Variants in XIRP1 observed in about 807,000 individuals in gnomAD.
XIRP1 encodes the protein xin actin binding repeat containing 1, also known as xin actin-binding repeat-containing protein 1.
For synonymous variants in XIRP1, 984 were observed against 947.0 expected (o/e 1.04, Z -0.72); for missense variants, 2,378 against 2,345.4 (o/e 1.01, Z -0.29).
Position 39,187,556 on chromosome 3 carries a change from G to A in XIRP1, c.1890C>T (p.Phe630=), listed in dbSNP as rs748608898. Residue 630 remains phenylalanine, a synonymous_variant, in exon 2 of 2, where the codon TTC becomes TTT. Transcript: ENST00000340369. The part of the protein sequence containing the change: ...KAEAQSCTWM[F]KPQPVDRPVG... Reference sequence around the variant, plus strand: ...CTGGCCTGTCCACAGGTTGGGGCTTGAACATCCAGGTGCAGGACTGTGCCT... The same window carrying A: ...CTGGCCTGTCCACAGGTTGGGGCTTAAACATCCAGGTGCAGGACTGTGCCT... 1.4e-5 allele frequency: 22 copies of A among 1,613,924 alleles called. No homozygotes were observed. Among genetic ancestry groups the A allele is most frequent in the Non-Finnish European group, 1.8e-5 (21 of 1,180,054 alleles).
Position 39,183,738 on chromosome 3 carries a change from T to A in XIRP1, c.*176A>T. 1 of 1,121,762 alleles carries A rather than the reference T, an allele frequency of 8.9e-7. No homozygotes were observed. The highest frequency in any genetic ancestry group is 1.2e-6 in the Non-Finnish European group (1 of 818,480). 69.5% of individuals were successfully genotyped at this position (1,121,762 alleles called of 1,614,324 possible). On this transcript the variant is annotated 3_prime_UTR_variant, in exon 2 of 2. Coordinates refer to ENST00000340369, the MANE Select transcript of XIRP1 (RefSeq NM_194293.4). Reference sequence around the variant, plus strand: ...CTCTTCCAGACCTTTCTTTTTCCATTTGGAAGAACTGGGCCTATTGAAAGA... The same window carrying A: ...CTCTTCCAGACCTTTCTTTTTCCATATGGAAGAACTGGGCCTATTGAAAGA...
At chr3:39,190,651 G>A (rs538991440) in intron 1 of XIRP1, among the ~76,000 whole-genome samples, 18 of 147,440 alleles carry the variant, frequency 1.2e-4, no homozygotes, top group Admixed American at 3.4e-4. Flanking sequence ...CTACACCCCC[G>A]CCCCTCAATG....
At position 39,188,431 on chromosome 3, in the gene XIRP1, C is replaced by G. The variant is rs779865696; in HGVS notation, c.1015G>C (p.Gly339Arg). ...FQPSPDLIPP[G>R]PDVQQQQHLF... ...TGCTGCTGCTGCTGAACATCTGGAC[C>G]AGGTGGGATAAGGTCTGGGGATGGC... The change falls in exon 2 of 2, where the codon GGT becomes CGT. Residue 339 changes from glycine to arginine, a missense_variant. By Grantham distance (125) the Gly-to-Arg change is moderately radical. Coordinates refer to ENST00000340369, the MANE Select transcript of XIRP1 (RefSeq NM_194293.4). 9 of 1,606,772 alleles carry G rather than the reference C, an allele frequency of 5.6e-6. No individual in the cohort carries two copies. Among genetic ancestry groups the G allele is most frequent in the Middle Eastern group, 3.3e-4 (2 of 6,040 alleles).
rs765826202 is a variant in XIRP1 at position 39,185,414 on chromosome 3, C to T, written c.4032G>A (p.Lys1344=). 6.2e-7 allele frequency: 1 copy of T among 1,613,040 alleles called. No homozygotes were observed. Among genetic ancestry groups the T allele is most frequent in the East Asian group, 2.2e-5 (1 of 44,862 alleles). Residue 1344 remains lysine (K), a synonymous_variant, in exon 2 of 2, where the codon AAG becomes AAA. Transcript: ENST00000340369. ...AAAAGCTGGGAGATAGAGGCAAGGG[C>T]TTGGGCAGCCTCTGAGGAGGGTGGC... The part of the protein sequence containing the change: ...TQSHPPQRLP[K]PLPLSPSFSS...
rs2039992113 is a variant in XIRP1 at position 39,187,045 on chromosome 3, A to C, written c.2401T>G (p.Cys801Gly). 1.2e-6 allele frequency: 2 copies of C among 1,611,454 alleles called. No homozygotes were observed. Among genetic ancestry groups the C allele is most frequent in the East Asian group, 4.5e-5 (2 of 44,728 alleles). ...CCCGAGAGCACATACTTGGCAAGACAGAGCTCCCCTGGCCCTCGGGCCTCC... is the reference window on the plus strand; with the variant it reads ...CCCGAGAGCACATACTTGGCAAGACCGAGCTCCCCTGGCCCTCGGGCCTCC... ...LMEARGPGEL[C>G]LAKYVLSGTG... Residue 801 changes from cysteine (C) to glycine (G), a missense_variant, in exon 2 of 2, where the codon TGT becomes GGT. Physicochemically the swap from Cys to Gly is radical, Grantham distance 159. Transcript: ENST00000340369.
Position 39,188,935 on chromosome 3 carries a change from G to T in XIRP1, c.511C>A (p.Gln171Lys), listed in dbSNP as rs1279965789. The change falls in exon 2 of 2, where the codon CAA (glutamine) becomes AAA (lysine). Residue 171 changes from glutamine (Q) to lysine (K), a missense_variant. Coordinates refer to ENST00000340369, the MANE Select transcript of XIRP1 (RefSeq NM_194293.4). ...ETKPLDELTG[Q>K]AKELEATVRE... ...ACAGTGGCCTCCAGTTCCTTGGCTT[G>T]CCCTGTCAGCTCGTCCAGTGGCTTT... is the stretch of plus-strand genomic sequence containing the variant. 4.3e-6 allele frequency: 7 copies of T among 1,613,298 alleles called. No individual in the cohort carries two copies. The highest frequency in any genetic ancestry group is 1.3e-5 in the African/African-American group (1 of 74,876).
chr3:39,184,975 C>T lies in XIRP1; in HGVS notation c.4471G>A (p.Val1491Met), dbSNP rs753925659. 5.2e-6 allele frequency: 8 copies of T among 1,529,764 alleles called. No individual in the cohort carries two copies. The highest frequency in any genetic ancestry group is 4.4e-5 in the Admixed American group (2 of 45,836). The allele number at this position is 1,529,764 out of a possible 1,614,324, so 94.8% of individuals were successfully genotyped here. The part of the protein sequence containing the change: ...LEKEAASSVD[V>M]QALRRLFEAV... ...TCAAAGAGCCTCCGCAGGGCCTGCA[C>T]GTCCACACTGCTTGCGGCCTCCTTC... The change falls in exon 2 of 2, where the codon GTG (valine) becomes ATG (methionine). Residue 1491 changes from valine to methionine, a missense_variant. By Grantham distance (21) the Val-to-Met change is conservative (BLOSUM62 1). Coordinates refer to ENST00000340369, the MANE Select transcript of XIRP1 (RefSeq NM_194293.4).
rs2039975508 is a variant in XIRP1 at position 39,186,515 on chromosome 3, G to A, written c.2931C>T (p.Asp977=). ...TCAGATGCCCCATCCCCATGCTGGG[G>A]TCCAGTGGGGGAACATGGATGATGC... is the stretch of plus-strand genomic sequence containing the variant. ...TESIIHVPPL[D]PSMGMGHLRA... Residue 977 remains aspartate (D), a synonymous_variant, in exon 2 of 2, where the codon GAC becomes GAT. Coordinates refer to ENST00000340369, the MANE Select transcript of XIRP1 (RefSeq NM_194293.4). The A allele has an allele frequency of 1.2e-6, 2 of 1,613,168 alleles. No homozygotes were observed. Among genetic ancestry groups the A allele is most frequent in the Admixed American group, 3.3e-5 (2 of 59,986 alleles).
At position 39,184,188 on chromosome 3, in the gene XIRP1, T is replaced by C. The variant is rs1559745459; in HGVS notation, c.5258A>G (p.Gln1753Arg). 6.2e-7 allele frequency: 1 copy of C among 1,614,220 alleles called. No homozygotes were observed. The highest frequency in any genetic ancestry group is 1.3e-5 in the African/African-American group (1 of 75,072). Residue 1753 changes from glutamine to arginine, a missense_variant, in exon 2 of 2, where the codon CAG (glutamine) becomes CGG (arginine). By Grantham distance (43) the Gln-to-Arg change is conservative. Coordinates refer to ENST00000340369, the MANE Select transcript of XIRP1 (RefSeq NM_194293.4). Reference protein sequence around the residue: ...RGWQKSVLELQTGPGSSQHYG... With the variant: ...RGWQKSVLELRTGPGSSQHYG... ...GTGTTGTGAGCTCCCTGGCCCCGTC[T>C]GTAGCTCCAGAACACTCTTTTGCCA...
At position 39,187,676 on chromosome 3, in the gene XIRP1, A is replaced by G. The variant is rs978878906; in HGVS notation, c.1770T>C (p.Asp590=). ...CGAACAACCACCGGATGGTCTGCAC[A>G]TCGCCCTTTGGGGGTGCCTCAGGCT... The part of the protein sequence containing the change: ...DPQPEAPPKG[D]VQTIRWLFET... Residue 590 remains aspartate, a synonymous_variant, in exon 2 of 2, where the codon GAT becomes GAC. Coordinates refer to ENST00000340369, the MANE Select transcript of XIRP1 (RefSeq NM_194293.4). 1.2e-6 allele frequency: 2 copies of G among 1,613,940 alleles called. No individual in the cohort carries two copies. The highest frequency in any genetic ancestry group is 2.7e-5 in the African/African-American group (2 of 74,936).
rs762669643 is a variant in XIRP1, at chr3:39,187,960, G to A, written c.1486C>T (p.Leu496=). The change falls in exon 2 of 2, where the codon CTG becomes TTG. Residue 496 remains leucine (L), a synonymous_variant. Coordinates refer to ENST00000340369, the MANE Select transcript of XIRP1 (RefSeq NM_194293.4). ...MQDSKGRLHA[L]TSVSREQIVG... ...ATCTGCTCTCTGCTAACAGAGGTCAGGGCATGGAGGCGGCCCTTGCTGTCC... is the reference window on the plus strand; with the variant it reads ...ATCTGCTCTCTGCTAACAGAGGTCAAGGCATGGAGGCGGCCCTTGCTGTCC... 6.2e-7 allele frequency: 1 copy of A among 1,614,210 alleles called. No individual in the cohort carries two copies. The highest frequency in any genetic ancestry group is 8.5e-7 in the Non-Finnish European group (1 of 1,180,040).
rs1294095155 is a variant in XIRP1, at chr3:39,189,270, C to T, written c.176G>A (p.Arg59Lys). The change falls in exon 2 of 2, where the codon AGG becomes AAG. Residue 59 changes from arginine to lysine, a missense_variant. Physicochemically the swap from Arg to Lys is conservative, Grantham distance 26. Transcript: ENST00000340369. The stretch of plus-strand genomic sequence containing the variant: ...CTTGCGGAGCTCAGGGTGGATGTGC[C>T]TGTAGAGGCGGCGGAGCTCACTAGC... ...RQASELRRLY[R>K]HIHPELRKNL... The T allele has an allele frequency of 3.1e-6, 5 of 1,613,962 alleles. No individual in the cohort carries two copies. The highest frequency in any genetic ancestry group is 2.2e-5 in the East Asian group (1 of 44,880).
At position 39,189,485 on chromosome 3, in the gene XIRP1, G is replaced by C. The variant is rs748791470; in HGVS notation, c.-40C>G. The C allele has an allele frequency of 6.5e-7, 1 of 1,542,352 alleles. No individual in the cohort carries two copies. The highest frequency in any genetic ancestry group is 2.3e-5 in the East Asian group (1 of 44,378). The stretch of plus-strand genomic sequence containing the variant: ...GGGGCAGAGATGAGGATGGGATTGG[G>C]AGCCTTAGATCTAGATGTTCAGCAG... On this transcript the variant is annotated 5_prime_UTR_variant, in exon 2 of 2. Transcript: ENST00000340369.
chr3:39,191,361 A>T (rs1329011353), intron 1 of XIRP1, among the ~76,000 whole-genome samples: 2 of 60,370 alleles, frequency 3.3e-5, no homozygotes, highest in African/African-American at 6.0e-5. Context: ...GCTTCACCCC[A>T]CCCCCGCCCC....
rs1305980044 is a variant in XIRP1, at chr3:39,186,440, G to A, written c.3006C>T (p.Val1002=). ...GTGCTGCAGCTTCCCCAGCCAGAGG[G>A]ACTGCCTTTCCAATGGCCTGAGGAG... is the stretch of plus-strand genomic sequence containing the variant. ...PCPPQAIGKA[V]PLAGEAAAPA... Residue 1002 remains valine, a synonymous_variant, in exon 2 of 2, where the codon GTC becomes GTT. Coordinates refer to ENST00000340369, the MANE Select transcript of XIRP1 (RefSeq NM_194293.4). 1 of 1,614,158 alleles carries A rather than the reference G, an allele frequency of 6.2e-7. No homozygotes were observed. The highest frequency in any genetic ancestry group is 1.3e-5 in the African/African-American group (1 of 75,040).
Position 39,188,492 on chromosome 3 carries a change from G to A in XIRP1, c.954C>T (p.Ala318=), listed in dbSNP as rs1176583408. The change falls in exon 2 of 2, where the codon GCC becomes GCT. Residue 318 remains alanine (A), a synonymous_variant. Transcript: ENST00000340369. ...RWIFETQPLD[A]IREILVDEKD... ...TCTCATCTACCAAGATCTCCCGGAT[G>A]GCATCCAGGGGCTGTGTCTCAAAGA... The A allele has an allele frequency of 1.7e-5, 27 of 1,602,964 alleles. No homozygotes were observed. The highest frequency in any genetic ancestry group is 2.1e-5 in the Non-Finnish European group (25 of 1,172,016).
rs755603823 is a variant in XIRP1 at position 39,185,294 on chromosome 3, G to A, written c.4152C>T (p.His1384=). 83 of 1,614,242 alleles carry A rather than the reference G, an allele frequency of 5.1e-5. No homozygotes were observed. The highest frequency in any genetic ancestry group is 6.9e-5 in the Non-Finnish European group (82 of 1,180,038). ...CACTGGGACATCTGGCCAGAGGTAT[G>A]TGGCCCTGGTCTACAGTAGTGGGAA... ...AKVPTTVDQG[H]IPLARCPSGH... Residue 1384 remains histidine (H), a synonymous_variant, in exon 2 of 2, where the codon CAC becomes CAT. Coordinates refer to ENST00000340369, the MANE Select transcript of XIRP1 (RefSeq NM_194293.4).
rs764241623 is a variant in XIRP1, at chr3:39,186,842, A to G, written c.2604T>C (p.Ser868=). 6.2e-7 allele frequency: 1 copy of G among 1,613,380 alleles called. No individual in the cohort carries two copies. The part of the protein sequence containing the change: ...KPLRLPTPGS[S]GNIEDMDPEL... ...CAGGGTCCATGTCTTCAATATTCCC[A>G]CTGCTGCCTGGAGTTGGCAGCCTCA... The change falls in exon 2 of 2, where the codon AGT becomes AGC. Residue 868 remains serine (S), a synonymous_variant. Transcript: ENST00000340369.
In XIRP1 at chr3:39,187,816, C is replaced by G. The variant is rs200287481; in HGVS notation, c.1630G>C (p.Ala544Pro). 1.3e-4 allele frequency: 217 copies of G among 1,614,014 alleles called. No individual in the cohort carries two copies. The highest frequency in any genetic ancestry group is 1.7e-4 in the Non-Finnish European group (198 of 1,180,034). ...CACCGAGCTGTGCCAACGTCCCCAG[C>G]CACCACTTCCTGCCGGGTGATGCCC... ...VRGITRQEVV[A>P]GDVGTARWLF... The change falls in exon 2 of 2, where the codon GCT becomes CCT. Residue 544 changes from alanine to proline, a missense_variant. By Grantham distance (27) the Ala-to-Pro change is conservative (BLOSUM62 -1). Coordinates refer to ENST00000340369, the MANE Select transcript of XIRP1 (RefSeq NM_194293.4).
Sources: allele counts gnomAD v4.1 joint callset (sites outside exome capture counted in the v4.1 genomes callset), GRCh38; gene constraint gnomAD v4.1.1; transcripts MANE v1.5; gene names NCBI Gene and HGNC (gene_info 2026-07-23, HGNC 2026-07-21).